The following ZBTB25 variants were observed in gnomAD, a reference collection of about 807,000 sequenced individuals.
The protein encoded by ZBTB25 is zinc finger and BTB domain containing 25.
ZBTB25 carries 20 observed loss-of-function variants against 34.2 expected under a neutral mutation model. The ratio of observed to expected loss-of-function variants is 0.58; its 90% CI spans 0.41 to 0.85. ZBTB25 has a LOEUF of 0.85. Ranked by LOEUF, ZBTB25 falls within the 40% of genes least tolerant of loss-of-function variation. The pLI is 0.00. For missense variants in ZBTB25, 437 were observed against 521.8 expected, an observed-to-expected ratio of 0.84 and a Z score of 1.58; for synonymous variants, 175 against 186.4, an observed-to-expected ratio of 0.94 and a Z score of 0.50.
chr14:64,499,287 C>T (rs2079402920), intron 1 of ZBTB25, among the ~76,000 whole-genome samples: 1 of 152,074 alleles, frequency 6.6e-6, no homozygotes, highest in African/African-American at 2.4e-5. Flanking sequence ...AACAAAAGTG[C>T]TCCATGGCCA....
rs1001508498 is a variant in ZBTB25, at chr14:64,484,052, T to C, written c.*2871A>G. The C allele has an allele frequency of 7.3e-5, 11 of 151,696 alleles. No individual in the cohort carries two copies. The highest frequency in any genetic ancestry group is 2.4e-4 in the African/African-American group (10 of 41,234). The allele number at this position is 151,696 out of a possible 1,614,324, so 9.4% of individuals were successfully genotyped here. On this transcript the variant is annotated 3_prime_UTR_variant, in exon 3 of 3. Coordinates refer to ENST00000608382, the MANE Select transcript of ZBTB25 (RefSeq NM_006977.5). The stretch of plus-strand genomic sequence containing the variant: ...ATTCACTGCATCTCTGGAATTCAGC[T>C]TTTGGGATTTTTTTTCTATAAAATG...
chr14:64,487,559 C>T lies in ZBTB25; in HGVS notation c.672G>A (p.Glu224=), dbSNP rs1135516. 3.1e-6 allele frequency: 5 copies of T among 1,610,222 alleles called. No homozygotes were observed. Among genetic ancestry groups the T allele is most frequent in the Admixed American group, 1.7e-5 (1 of 59,936 alleles). ...ISQSHPSPSS[E]VTGPTFTENS... is the part of the protein sequence containing the mutation. ...TTTCAGTAAAAGTGGGGCCTGTCAC[C>T]TCTGATGAGGGTGAGGGGTGGCTCT... Residue 224 remains glutamate, a synonymous_variant, in exon 3 of 3, where the codon GAG becomes GAA. Transcript: ENST00000608382.
downstream of ZBTB25, among the ~76,000 whole-genome samples, chr14:64,475,966 T>C (rs1229116752): frequency 6.6e-6 from 1 of 152,234 alleles, no homozygotes; most frequent in East Asian, 1.9e-4. Flanking sequence ...AGAAGGATTA[T>C]ACACTTTTCA....
At chr14:64,501,861 G>A (rs1187081973) in intron 1 of ZBTB25, among the ~76,000 whole-genome samples, 1 of 152,214 alleles carries the variant, frequency 6.6e-6, no homozygotes, top group Non-Finnish European at 1.5e-5. Flanking sequence ...GGCATAGAGG[G>A]CAGCTGAAAG....
At chr14:64,504,175 T>TG (rs2079594671), upstream of ZBTB25, 1 of 126,494 alleles carries the variant, frequency 7.9e-6, no homozygotes, top group African/African-American at 3.1e-5. Context: ...CGCGGGAGCC[T>TG]GGGTGGAGAG....
chr14:64,480,322 CAAAAA>C lies in ZBTB25; in HGVS notation c.*6596_*6600del, dbSNP rs745930738. On this transcript the variant is annotated 3_prime_UTR_variant, in exon 3 of 3. Transcript: ENST00000608382. ...TGGGCAACAGAGCAAGACTCCATCT[CAAAAA>C]AAAAAAAAAAAAAAAAAAAGAAGAA... 0.039 allele frequency: 7,922 copies of C among 204,916 alleles called. 1 individual carries two copies. Among genetic ancestry groups the C allele is most frequent in the East Asian group, 0.046 (242 of 5,232 alleles). The allele number at this position is 204,916 out of a possible 1,614,324, so 12.7% of individuals were successfully genotyped here.
intron 1 of ZBTB25, among the ~76,000 whole-genome samples, chr14:64,492,481 C>T (rs1481009002): frequency 1.3e-5 from 2 of 152,024 alleles, no homozygotes; most frequent in Non-Finnish European, 2.9e-5. Context: ...GCATGAGCCA[C>T]CGTGCCCGGC....
intron 2 of ZBTB25, among the ~76,000 whole-genome samples, chr14:64,452,555 C>G (rs375628174): frequency 6.6e-6 from 1 of 152,338 alleles, no homozygotes; most frequent in South Asian, 2.1e-4. Flanking sequence ...GAGGCCCTCA[C>G]CAGTTAGACC....
At chr14:64,468,811 T>A in intron 2 of ZBTB25, 1 of 1,614,042 alleles carries the variant, frequency 6.2e-7, no homozygotes, top group African/African-American at 1.3e-5. Context: ...CAAAAAGGAG[T>A]AATCATTCCA....
Position 64,491,619 on chromosome 14 carries a change from G to A in ZBTB25, c.-7-1079C>T, listed in dbSNP as rs138445319. 3.7e-3 allele frequency among the ~76,000 whole-genome samples: 569 copies of A among 152,350 alleles called. 7 individuals are homozygous for A. The highest frequency in any genetic ancestry group is 0.024 in the Middle Eastern group (7 of 294). On this transcript the variant is annotated intron_variant, in intron 1 of 2. Transcript: ENST00000608382. ...CATGCAGAATTCTGGCCAAGAAGCC[G>A]AGTATAAGCAGCAAAAACATTCAGA...
intron 2 of ZBTB25, chr14:64,460,124 C>T: frequency 1.7e-6 from 1 of 580,884 alleles, no homozygotes; most frequent in Non-Finnish European, 3.1e-6. Flanking sequence ...GCAGTGTGCC[C>T]TTTATGATAC....
At chr14:64,497,248 G>C (rs1434497445) in intron 1 of ZBTB25, among the ~76,000 whole-genome samples, 1 of 151,778 alleles carries the variant, frequency 6.6e-6, no homozygotes, top group Non-Finnish European at 1.5e-5. Context: ...TAATATACCA[G>C]ATTTTACTTC....
chr14:64,491,638 A>T (rs2079081869), intron 1 of ZBTB25, among the ~76,000 whole-genome samples: 1 of 152,242 alleles, frequency 6.6e-6, no homozygotes, highest in South Asian at 2.1e-4. Context: ...CAGCAAAAAC[A>T]TTCAGAAGTG....
intron 2 of ZBTB25, chr14:64,462,453 C>T (rs1353317745): frequency 6.6e-6 from 1 of 152,166 alleles, no homozygotes; most frequent in African/African-American, 2.4e-5. Flanking sequence ...AGCATTAGTG[C>T]TTGGGGTAAC....
intron 1 of ZBTB25, chr14:64,502,659 C>G: frequency 1.0e-6 from 1 of 985,382 alleles, no homozygotes; most frequent in Non-Finnish European, 1.2e-6. Flanking sequence ...TGACCTCCGC[C>G]GGATACATTC....
At chr14:64,491,955 C>T (rs544256996) in intron 1 of ZBTB25, among the ~76,000 whole-genome samples, 4 of 151,854 alleles carry the variant, frequency 2.6e-5, no homozygotes, top group South Asian at 4.2e-4. Context: ...TATAGTGCTT[C>T]CTATGTGTCA....
At position 64,478,993 on chromosome 14, in the gene ZBTB25, T is replaced by C. The variant is rs1195016849; in HGVS notation, c.*7930A>G. The C allele has an allele frequency of 1.3e-5, 2 of 152,230 alleles. No homozygotes were observed. The highest frequency in any genetic ancestry group is 1.9e-4 in the East Asian group (1 of 5,202). The allele number at this position is 152,230 out of a possible 1,614,324, so 9.4% of individuals were successfully genotyped here. On this transcript the variant is annotated 3_prime_UTR_variant, in exon 3 of 3. Transcript: ENST00000608382. ...AATAGATTCAAAACTGTCTTGCTGA[T>C]TAATACATCTCTGATTTTTAATAAT...
At chr14:64,466,274 A>AT (rs1352511488) in intron 2 of ZBTB25, among the ~76,000 whole-genome samples, 1 of 152,148 alleles carries the variant, frequency 6.6e-6, no homozygotes, top group Non-Finnish European at 1.5e-5. Flanking sequence ...GCAAAGTTTT[A>AT]TTGTCTACAG....
intron 2 of ZBTB25, among the ~76,000 whole-genome samples, chr14:64,451,143 A>G (rs1413675413): frequency 6.6e-6 from 1 of 152,096 alleles, no homozygotes. Context: ...TAGCCTGGGC[A>G]ACAAGTGCGA....
Sources: gnomAD v4.1 joint callset for allele counts (sites outside exome capture counted in the v4.1 genomes callset) on GRCh38, gnomAD v4.1.1 for gene constraint, MANE v1.5 for transcripts, NCBI Gene and HGNC (gene_info 2026-07-23, HGNC 2026-07-21) for gene names.